Variants in PTGR1 observed in about 807,000 individuals in gnomAD.
The protein encoded by PTGR1 is prostaglandin reductase 1.
A neutral mutation model predicts 37.7 loss-of-function variants in PTGR1; 23 were observed. The ratio of observed to expected loss-of-function variants is 0.61; its 90% CI spans 0.44 to 0.86. PTGR1 has a LOEUF of 0.86. Among genes scored for constraint, PTGR1 ranks in the 40% least tolerant of loss-of-function variants. The pLI is 0.00. For missense variants in PTGR1, 351 were observed against 394.3 expected (o/e 0.89, Z 0.93); for synonymous variants, 134 against 140.0 (o/e 0.96, Z 0.30).
At chr9:111,599,361 A>G (rs1026552698) in intron 1 of PTGR1, 1 of 152,416 alleles carries the variant, frequency 6.6e-6, no homozygotes, top group Admixed American at 6.5e-5. Context: ...GTTGTAACCA[A>G]GCTTTCCTAT....
intron 9 of PTGR1, among the ~76,000 whole-genome samples, chr9:111,556,266 C>T (rs1008424572): frequency 6.6e-6 from 1 of 152,224 alleles, no homozygotes; most frequent in Non-Finnish European, 1.5e-5. Flanking sequence ...GCACCTCTGC[C>T]CCTGTTACTC....
chr9:111,564,108 T>A, intron 9 of PTGR1: 1 of 292,958 alleles, frequency 3.4e-6, no homozygotes, highest in Non-Finnish European at 5.5e-6. Flanking sequence ...GGGAACTAAT[T>A]TACATTTTCA....
chr9:111,561,297 A>G (rs1160932530), downstream of PTGR1, among the ~76,000 whole-genome samples: 1 of 151,832 alleles, frequency 6.6e-6, no homozygotes, highest in African/African-American at 2.4e-5. Flanking sequence ...TTTTTTAGAC[A>G]CAGGGTCTTA....
intron 9 of PTGR1, among the ~76,000 whole-genome samples, chr9:111,566,204 A>T (rs1047676718): frequency 6.6e-6 from 1 of 151,974 alleles, no homozygotes; most frequent in African/African-American, 2.4e-5. Flanking sequence ...CTCCATGTCA[A>T]AAATAAATAA....
intron 7 of PTGR1, chr9:111,575,354 T>G (rs1829013674): frequency 6.6e-6 from 1 of 152,486 alleles, no homozygotes; most frequent in South Asian, 2.1e-4. Flanking sequence ...TCTAAGACCA[T>G]ACCTTTTATA....
At chr9:111,583,421 C>T (rs1829336809) in intron 6 of PTGR1, 51 bp downstream of exon 6, 2 of 1,433,282 alleles carry the variant, frequency 1.4e-6, no homozygotes, top group Admixed American at 1.7e-5. Flanking sequence ...TTCACTGTTG[C>T]ATTCCCAATG....
intron 9 of PTGR1, among the ~76,000 whole-genome samples, chr9:111,554,864 TC>T (rs1337541326): frequency 6.6e-6 from 1 of 152,182 alleles, no homozygotes; most frequent in Non-Finnish European, 1.5e-5. Flanking sequence ...CTGCTCAGGG[TC>T]TACAACTGAA....
At chr9:111,560,622 CAG>C (rs1247774459), downstream of PTGR1, among the ~76,000 whole-genome samples, 2 of 104,478 alleles carry the variant, frequency 1.9e-5, no homozygotes, top group Admixed American at 1.4e-4. Flanking sequence ...GCCTGGGAGA[CAG>C]AGACACCATC....
chr9:111,583,000 C>T (rs1829326149), intron 6 of PTGR1, among the ~76,000 whole-genome samples: 1 of 152,258 alleles, frequency 6.6e-6, no homozygotes, highest in Non-Finnish European at 1.5e-5. Context: ...CCAATGTTTC[C>T]TTGTCTTAGG....
intron 1 of PTGR1, 76 bp from the exon 2 acceptor site, chr9:111,597,508 A>C: frequency 1.2e-6 from 1 of 809,714 alleles, no homozygotes. Context: ...TCAAACTGAG[A>C]CCAGACAGCA....
At chr9:111,551,416 T>G (rs989605855) in intron 9 of PTGR1, among the ~76,000 whole-genome samples, 4 of 142,582 alleles carry the variant, frequency 2.8e-5, no homozygotes, top group African/African-American at 1.0e-4. Context: ...TTTTTTTTTT[T>G]TTTTTTTTTG....
intron 4 of PTGR1, chr9:111,592,672 C>T (rs1002536388): frequency 7.0e-6 from 3 of 426,382 alleles, no homozygotes; most frequent in African/African-American, 4.1e-5. Flanking sequence ...ATGACCTGGA[C>T]AAATACTTTT....
At chr9:111,551,788 TC>T (rs1827966572) in intron 9 of PTGR1, among the ~76,000 whole-genome samples, 1 of 152,336 alleles carries the variant, frequency 6.6e-6, no homozygotes, top group South Asian at 2.1e-4. Flanking sequence ...TATATCACTT[TC>T]AAAACTTTTT....
At chr9:111,592,085 G>A (rs1409210470) in intron 4 of PTGR1, among the ~76,000 whole-genome samples, 1 of 152,206 alleles carries the variant, frequency 6.6e-6, no homozygotes, top group Non-Finnish European at 1.5e-5. Context: ...CTGTCCATAT[G>A]GATAAGATAG....
intron 9 of PTGR1, among the ~76,000 whole-genome samples, chr9:111,567,934 G>T (rs141170779): frequency 1.3e-5 from 2 of 152,082 alleles, no homozygotes; most frequent in Non-Finnish European, 2.9e-5. Context: ...AATTTCTTAC[G>T]CCTGTCTTAC....
chr9:111,590,054 G>A (rs1402149192), intron 4 of PTGR1, among the ~76,000 whole-genome samples: 3 of 152,078 alleles, frequency 2.0e-5, no homozygotes, highest in South Asian at 2.1e-4. Flanking sequence ...ACTGTAATTG[G>A]ACACAGAAGA....
intron 8 of PTGR1, 87 bp downstream of exon 8, chr9:111,574,647 T>A (rs1395578585): frequency 2.4e-6 from 2 of 830,808 alleles, no homozygotes; most frequent in Non-Finnish European, 3.7e-6. Context: ...TTCTAATAAT[T>A]TCAGAGTCAC....
At chr9:111,592,666 C>A (rs1589321290) in intron 4 of PTGR1, 1 of 387,390 alleles carries the variant, frequency 2.6e-6, no homozygotes, top group Middle Eastern at 7.2e-4. Context: ...TAAATCATGA[C>A]CTGGACAAAT....
chr9:111,584,547 TG>T (rs143807532), intron 5 of PTGR1, among the ~76,000 whole-genome samples: 2,025 of 152,318 alleles, frequency 0.013, 52 homozygotes, highest in African/African-American at 0.044. Flanking sequence ...GAGTTGTTTT[TG>T]TTTAGAGGTG....
Sources: gnomAD v4.1 joint callset for allele counts (sites outside exome capture counted in the v4.1 genomes callset) on GRCh38, gnomAD v4.1.1 for gene constraint, MANE v1.5 for transcripts, NCBI Gene and HGNC (gene_info 2026-07-23, HGNC 2026-07-21) for gene names.